The following SLC9A9 variants were observed in gnomAD, a reference collection of about 807,000 sequenced individuals.
The protein encoded by SLC9A9 is solute carrier family 9 member A9, also known as sodium/hydrogen exchanger 9.
A neutral mutation model predicts 77.8 loss-of-function variants in SLC9A9; 62 were observed. That is an observed-to-expected ratio of 0.80 (90% CI 0.65 to 0.98). The LOEUF is 0.98. Among genes scored for constraint, SLC9A9 ranks in the 50% least tolerant of loss-of-function variants. The probability of loss-of-function intolerance (pLI) is 0.00; values close to 1 mark genes in which losing one functional copy is unlikely to be tolerated. For missense variants in SLC9A9, 775 were observed against 774.9 expected, an observed-to-expected ratio of 1.00 and a Z score of 0.00; for synonymous variants, 320 against 283.5, an observed-to-expected ratio of 1.13 and a Z score of -1.29.
intron 12 of SLC9A9, among the ~76,000 whole-genome samples, chr3:143,403,548 A>G (rs1475298508): frequency 6.6e-6 from 1 of 152,120 alleles, no homozygotes; most frequent in Non-Finnish European, 1.5e-5. Context: ...TATGCTAACA[A>G]CAAATTCAGT....
At chr3:143,373,000 A>G (rs1004318208) in intron 13 of SLC9A9, among the ~76,000 whole-genome samples, 3 of 152,190 alleles carry the variant, frequency 2.0e-5, no homozygotes, top group African/African-American at 4.8e-5. Context: ...CTTACACACT[A>G]CTGATGGGAA....
At chr3:143,488,821 G>C (rs922390110) in intron 11 of SLC9A9, among the ~76,000 whole-genome samples, 2 of 151,746 alleles carry the variant, frequency 1.3e-5, no homozygotes, top group African/African-American at 4.8e-5. Context: ...TTTATTCTAA[G>C]GTCAGGAATA....
intron 6 of SLC9A9, among the ~76,000 whole-genome samples, chr3:143,598,129 G>C (rs892197018): frequency 2.6e-5 from 4 of 151,904 alleles, no homozygotes; most frequent in African/African-American, 7.3e-5. Context: ...AAATGAAAAT[G>C]TTAGTGGGTA....
chr3:143,509,685 T>A (rs1237375572), intron 9 of SLC9A9, among the ~76,000 whole-genome samples: 5 of 152,224 alleles, frequency 3.3e-5, no homozygotes, highest in Admixed American at 3.3e-4. Context: ...TGTTCCAATC[T>A]GTTTAGGTCC....
At chr3:143,568,019 C>T (rs775072751) in intron 8 of SLC9A9, among the ~76,000 whole-genome samples, 1 of 152,076 alleles carries the variant, frequency 6.6e-6, no homozygotes, top group African/African-American at 2.4e-5. Flanking sequence ...TTCCTTTGTA[C>T]CATTTAGATT....
intron 11 of SLC9A9, among the ~76,000 whole-genome samples, chr3:143,482,986 G>T (rs943276993): frequency 6.6e-5 from 10 of 152,186 alleles, no homozygotes; most frequent in Non-Finnish European, 1.5e-4. Flanking sequence ...ACACGATATA[G>T]CAGAGCAGTT....
chr3:143,299,022 C>T (rs963353888), intron 14 of SLC9A9, among the ~76,000 whole-genome samples: 4 of 152,122 alleles, frequency 2.6e-5, no homozygotes, highest in African/African-American at 9.7e-5. Context: ...AAGGTATGTA[C>T]GCCTGTATTA....
In SLC9A9 at chr3:143,269,384, G is replaced by A. The variant is rs151102507; in HGVS notation, c.1605-404C>T. Among the ~76,000 whole-genome samples the A allele has an allele frequency of 4.7e-3, 721 of 152,308 alleles. 7 individuals are homozygous for A. Among genetic ancestry groups the A allele is most frequent in the African/African-American group, 0.017 (691 of 41,562 alleles). On this transcript the variant is annotated intron_variant, in intron 14 of 15. Coordinates refer to ENST00000316549, the MANE Select transcript of SLC9A9 (RefSeq NM_173653.4). ...AGTAAGTTTTACAAAGATGCAAGAG[G>A]TATTTTATAAAATGTTCAGTTATTT...
intron 12 of SLC9A9, among the ~76,000 whole-genome samples, chr3:143,425,264 CTTTTTTTT>C (rs200568656): frequency 3.0e-5 from 3 of 98,538 alleles, no homozygotes; most frequent in East Asian, 3.0e-4. Flanking sequence ...TGAGGCTTAG[CTTTTTTTT>C]TTTTTTTTTT....
chr3:143,287,265 T>A (rs1938406555), intron 14 of SLC9A9, among the ~76,000 whole-genome samples: 1 of 152,188 alleles, frequency 6.6e-6, no homozygotes, highest in African/African-American at 2.4e-5. Flanking sequence ...TTTGGCTTGG[T>A]AAGTTCACAT....
intron 12 of SLC9A9, among the ~76,000 whole-genome samples, chr3:143,447,239 G>A (rs1247883806): frequency 1.3e-5 from 2 of 152,068 alleles, no homozygotes; most frequent in African/African-American, 4.8e-5. Flanking sequence ...ATTTCACCTT[G>A]GTGCCCTACT....
intron 14 of SLC9A9, chr3:143,344,333 T>C (rs929605555): frequency 3.9e-5 from 6 of 152,218 alleles, no homozygotes; most frequent in African/African-American, 1.4e-4. Flanking sequence ...GAGGAATATA[T>C]TTCTCTTTGC....
intron 14 of SLC9A9, among the ~76,000 whole-genome samples, chr3:143,281,246 C>T (rs1220224073): frequency 1.3e-5 from 2 of 152,128 alleles, no homozygotes; most frequent in African/African-American, 4.8e-5. Context: ...GACATTTGCC[C>T]TAGAGAATCA....
chr3:143,688,376 A>G (rs1335660400), intron 5 of SLC9A9, among the ~76,000 whole-genome samples: 1 of 152,088 alleles, frequency 6.6e-6, no homozygotes, highest in East Asian at 1.9e-4. Context: ...TAGCTGAGTC[A>G]CTCAGTAGAA....
Position 143,347,346 on chromosome 3 carries a change from G to A in SLC9A9, c.1604+16138C>T, listed in dbSNP as rs549416804. On this transcript the variant is annotated intron_variant, in intron 14 of 15. Coordinates refer to ENST00000316549, the MANE Select transcript of SLC9A9 (RefSeq NM_173653.4). ...GAAAGAAGCAGAAATAGTTTTGTTT[G>A]TTTGCATTAACAAATGGATGATGAG... is the stretch of plus-strand genomic sequence containing the variant. Among the ~76,000 whole-genome samples, 3 of 152,260 alleles carry A rather than the reference G, an allele frequency of 2.0e-5. No homozygotes were observed. The South Asian group carries it at 6.2e-4, about 32-fold the overall frequency.
At chr3:143,385,729 A>G (rs1019651772) in intron 12 of SLC9A9, among the ~76,000 whole-genome samples, 13 of 152,342 alleles carry the variant, frequency 8.5e-5, no homozygotes, top group African/African-American at 3.1e-4. Flanking sequence ...TGTATATAGC[A>G]GCCCCCCAGG....
intron 4 of SLC9A9, among the ~76,000 whole-genome samples, chr3:143,707,574 A>G (rs1465314331): frequency 6.6e-6 from 1 of 152,136 alleles, no homozygotes; most frequent in Non-Finnish European, 1.5e-5. Flanking sequence ...TACTATGTTC[A>G]TTGTTCCTGA....
intron 5 of SLC9A9, among the ~76,000 whole-genome samples, chr3:143,660,823 A>C (rs2038967165): frequency 6.6e-6 from 1 of 152,226 alleles, no homozygotes; most frequent in Admixed American, 6.5e-5. Flanking sequence ...GACAGGAAAG[A>C]AGTAAGTCAC....
chr3:143,736,532 G>A (rs1934944961), intron 4 of SLC9A9, among the ~76,000 whole-genome samples: 1 of 151,132 alleles, frequency 6.6e-6, no homozygotes, highest in Non-Finnish European at 1.5e-5. Context: ...CAGGTACAGA[G>A]CACACACTCA....
Sources: gnomAD v4.1 joint callset for allele counts (sites outside exome capture counted in the v4.1 genomes callset) on GRCh38, gnomAD v4.1.1 for gene constraint, MANE v1.5 for transcripts, NCBI Gene and HGNC (gene_info 2026-07-23, HGNC 2026-07-21) for gene names.